Variants in MAP3K20 observed in about 807,000 individuals in gnomAD.
MAP3K20 encodes HCCS-4.
MAP3K20 carries 40 observed loss-of-function variants against 85.7 expected under a neutral mutation model. That is an observed-to-expected ratio of 0.47 (90% CI 0.36 to 0.61). The LOEUF (loss-of-function observed/expected upper bound fraction) is 0.61, where lower values mean the gene tolerates loss of function less well. Ranked by LOEUF, MAP3K20 falls within the 20% of genes least tolerant of loss-of-function variation. The pLI is 0.00. For missense variants in MAP3K20, 817 were observed against 961.7 expected (o/e 0.85, Z 1.99); for synonymous variants, 325 against 327.7 (o/e 0.99, Z 0.09).
At chr2:173,153,238 C>T (rs1352072259) in intron 2 of MAP3K20, among the ~76,000 whole-genome samples, 1 of 152,176 alleles carries the variant, frequency 6.6e-6, no homozygotes, top group Non-Finnish European at 1.5e-5. Context: ...ATTTTCACCC[C>T]TCCCCTGTTA....
At chr2:173,220,175 T>C (rs1042062046) in intron 11 of MAP3K20, among the ~76,000 whole-genome samples, 2 of 152,110 alleles carry the variant, frequency 1.3e-5, no homozygotes, top group African/African-American at 4.8e-5. Context: ...ATTGAAACTA[T>C]GCCAAAAACA....
At chr2:173,220,009 A>G (rs1364268325) in intron 11 of MAP3K20, among the ~76,000 whole-genome samples, 1 of 148,206 alleles carries the variant, frequency 6.7e-6, no homozygotes, top group Non-Finnish European at 1.5e-5. Context: ...CAGAGGTTGC[A>G]GTGAGCTGAG....
intron 3 of MAP3K20, among the ~76,000 whole-genome samples, chr2:173,173,026 A>G (rs1690045958): frequency 6.6e-6 from 1 of 151,952 alleles, no homozygotes; most frequent in Non-Finnish European, 1.5e-5. Context: ...TCTTGACCTC[A>G]TGATCCGCCT....
chr2:173,140,532 T>C (rs1334183654), intron 2 of MAP3K20, among the ~76,000 whole-genome samples: 3 of 151,930 alleles, frequency 2.0e-5, no homozygotes, highest in Non-Finnish European at 4.4e-5. Flanking sequence ...GAATTTTTAG[T>C]AGAGATGGGG....
At chr2:173,246,858 G>A (rs529679005) in intron 16 of MAP3K20, among the ~76,000 whole-genome samples, 6 of 152,284 alleles carry the variant, frequency 3.9e-5, no homozygotes, top group East Asian at 1.9e-4. Flanking sequence ...CTCCGAACAC[G>A]CCGGCTACCT....
At chr2:173,203,991 G>A (rs1683579671) in intron 9 of MAP3K20, 121 bp downstream of exon 9, 1 of 881,346 alleles carries the variant, frequency 1.1e-6, no homozygotes, top group South Asian at 1.5e-5. Flanking sequence ...ATGCTCCTAT[G>A]AGCCCCAGAT....
At chr2:173,200,761 C>A (rs1466135574) in intron 8 of MAP3K20, among the ~76,000 whole-genome samples, 1 of 152,054 alleles carries the variant, frequency 6.6e-6, no homozygotes, top group Non-Finnish European at 1.5e-5. Context: ...CACTGCACTC[C>A]AGCCTGGGTG....
In MAP3K20 at chr2:173,238,543, A is replaced by G. The variant is rs1166306072; in HGVS notation, c.1266+108A>G. ...GTCAGTAATGGTTGTTTGAAGTGAA[A>G]TTTCATCATATCTGTCTAACAAAAG... On this transcript the variant is annotated intron_variant, in intron 15 of 19. Transcript: ENST00000375213. The G allele has an allele frequency of 6.1e-6, 6 of 981,434 alleles. No individual in the cohort carries two copies. In the East Asian group the frequency reaches 7.6e-5, roughly 12 times the overall value. The allele number at this position is 981,434 out of a possible 1,614,324, so 60.8% of individuals were successfully genotyped here.
At chr2:173,223,581 A>G in intron 11 of MAP3K20, 1 of 985,442 alleles carries the variant, frequency 1.0e-6, no homozygotes, top group Non-Finnish European at 1.2e-6. Context: ...GGAAAGATAA[A>G]GAGAACATGC....
At chr2:173,247,522 A>G (rs1396206759) in intron 16 of MAP3K20, among the ~76,000 whole-genome samples, 2 of 152,200 alleles carry the variant, frequency 1.3e-5, no homozygotes, top group Non-Finnish European at 2.9e-5. Context: ...AGGGAAGTTT[A>G]TTTCCATGAT....
chr2:173,163,605 A>AT (rs1490708432), intron 2 of MAP3K20, among the ~76,000 whole-genome samples: 1 of 152,140 alleles, frequency 6.6e-6, no homozygotes, highest in Admixed American at 6.5e-5. Flanking sequence ...TTATGGCTGC[A>AT]TAGTATTCCA....
At chr2:173,217,888 A>T (rs1302437795) in intron 11 of MAP3K20, among the ~76,000 whole-genome samples, 8 of 152,144 alleles carry the variant, frequency 5.3e-5, no homozygotes, top group Non-Finnish European at 1.2e-4. Context: ...ATTTTTAAGC[A>T]TTTCACTGGT....
At chr2:173,104,148 ATAGT>A (rs983328567) in intron 2 of MAP3K20, among the ~76,000 whole-genome samples, 5 of 152,222 alleles carry the variant, frequency 3.3e-5, no homozygotes, top group African/African-American at 7.2e-5. Flanking sequence ...TAGAAAAGGA[ATAGT>A]TAGTAACTTT....
chr2:173,215,104 A>G (rs1362465922), intron 10 of MAP3K20, among the ~76,000 whole-genome samples: 1 of 152,204 alleles, frequency 6.6e-6, no homozygotes, highest in African/African-American at 2.4e-5. Context: ...CTGGAACTTG[A>G]GATGCATCTT....
chr2:173,199,738 ATAAT>A (rs1690981004), intron 8 of MAP3K20, among the ~76,000 whole-genome samples: 2 of 151,822 alleles, frequency 1.3e-5, no homozygotes, highest in African/African-American at 4.8e-5. Context: ...ATAAGACAGA[ATAAT>A]TAATATTTTT....
chr2:173,221,902 A>G (rs1684262242), intron 11 of MAP3K20: 1 of 992,038 alleles, frequency 1.0e-6, no homozygotes, highest in Admixed American at 5.9e-5. Context: ...AAAAACTTAC[A>G]TTTTGAACAA....
chr2:173,203,382 G>A (rs1370714175), intron 8 of MAP3K20, among the ~76,000 whole-genome samples: 1 of 152,144 alleles, frequency 6.6e-6, no homozygotes, highest in East Asian at 1.9e-4. Context: ...TGTTTTCAGA[G>A]TTGTATACCT....
chr2:173,225,929 A>C (rs977262456), intron 11 of MAP3K20: 21 of 984,804 alleles, frequency 2.1e-5, no homozygotes, highest in African/African-American at 7.0e-5. Flanking sequence ...AAGAAAAAAA[A>C]CTCATTGAGA....
chr2:173,253,080 C>A (rs1380723142), intron 16 of MAP3K20, among the ~76,000 whole-genome samples: 1 of 152,198 alleles, frequency 6.6e-6, no homozygotes, highest in South Asian at 2.1e-4. Flanking sequence ...CACGCCCAGA[C>A]TCCTGCCCAA....
Sources: allele counts gnomAD v4.1 joint callset (sites outside exome capture counted in the v4.1 genomes callset), GRCh38; gene constraint gnomAD v4.1.1; transcripts MANE v1.5; gene names NCBI Gene and HGNC (gene_info 2026-07-23, HGNC 2026-07-21).